Variants in SPAG1 observed in about 807,000 individuals in gnomAD.
SPAG1 encodes the protein sperm-associated antigen 1.
Under a neutral mutation model 100.5 loss-of-function variants are expected in SPAG1, and 69 were observed. That is an observed-to-expected ratio of 0.69 (90% confidence interval 0.57 to 0.84). The LOEUF (loss-of-function observed/expected upper bound fraction) is 0.84. SPAG1 is among the 40% of genes least tolerant of loss of function. The pLI is 0.00. For missense variants in SPAG1, 955 were observed against 1,133.1 expected (o/e 0.84, Z 2.26); for synonymous variants, 336 against 411.6 (o/e 0.82, Z 2.22).
rs771937198 is a variant in SPAG1, at chr8:100,233,375, C to T, written c.1989-36C>T. 1.9e-6 allele frequency: 3 copies of T among 1,609,090 alleles called. No homozygotes were observed. The Admixed American group carries it at 5.1e-5, about 27-fold the overall frequency. ...AAAACTTACAGATAGCCAATCTTTACCTTTCATAATACTGAGTTCCATTGC... is the reference window on the plus strand; with the variant it reads ...AAAACTTACAGATAGCCAATCTTTATCTTTCATAATACTGAGTTCCATTGC... On this transcript the variant is annotated intron_variant, in intron 15 of 18. Coordinates refer to ENST00000388798, the MANE Select transcript of SPAG1 (RefSeq NM_003114.5).
intron 3 of SPAG1, among the ~76,000 whole-genome samples, chr8:100,168,612 C>G (rs984963674): frequency 1.3e-5 from 2 of 149,804 alleles, no homozygotes; most frequent in Non-Finnish European, 3.0e-5. Context: ...GTTGTCCAGG[C>G]TAGTCTTGAA....
intron 3 of SPAG1, among the ~76,000 whole-genome samples, chr8:100,168,887 A>G (rs1328128614): frequency 3.3e-5 from 5 of 151,650 alleles, no homozygotes; most frequent in African/African-American, 1.2e-4. Flanking sequence ...AGGTTTCTCC[A>G]TGTTGGTCAG....
intron 3 of SPAG1, 41 bp downstream of exon 3, chr8:100,166,014 A>C (rs923692880): frequency 1.3e-6 from 2 of 1,516,004 alleles, no homozygotes; most frequent in Admixed American, 1.8e-5. Context: ...TTGTTGAGAC[A>C]TTCTATATAT....
chr8:100,235,758 C>T (rs148202887), intron 16 of SPAG1, among the ~76,000 whole-genome samples: 2 of 152,128 alleles, frequency 1.3e-5, no homozygotes, highest in African/African-American at 4.8e-5. Flanking sequence ...CCCGCCAGGA[C>T]CCCCGTGCTG....
chr8:100,170,868 G>T (rs1815797548), intron 3 of SPAG1, among the ~76,000 whole-genome samples: 3 of 147,226 alleles, frequency 2.0e-5, no homozygotes, highest in Admixed American at 6.8e-5. Flanking sequence ...TTGCTTTATT[G>T]AACTGGCTAG....
intron 10 of SPAG1, 47 bp from the exon 11 acceptor site, chr8:100,213,043 G>GCGGC: frequency 7.2e-7 from 1 of 1,379,834 alleles, no homozygotes; most frequent in African/African-American, 1.5e-5. Context: ...CGCGGCAACT[G>GCGGC]CTCCCGGTGA....
Position 100,163,106 on chromosome 8 carries a change from G to A in SPAG1, c.140+686G>A, listed in dbSNP as rs1815390437. 3.3e-5 allele frequency among the ~76,000 whole-genome samples: 5 copies of A among 152,194 alleles called. No individual in the cohort carries two copies. In the South Asian group the frequency reaches 1.0e-3, roughly 31 times the overall value. ...GCACACTGATCACATGGAGGGTGGT[G>A]GGGAGGCCTGACGGTAATACCAGAA... On this transcript the variant is annotated intron_variant, in intron 2 of 18. Transcript: ENST00000388798.
chr8:100,213,239 A>AC lies in SPAG1; in HGVS notation c.1246_1247insC (p.Lys416ThrfsTer66). On this transcript the variant is annotated frameshift_variant, in exon 11 of 19. Coordinates refer to ENST00000388798, the MANE Select transcript of SPAG1 (RefSeq NM_003114.5). LOFTEE classifies it high-confidence loss of function. ...CCAGACCCCGGAGGCCGGCGCGGACAAGCGGAGCCCACGGCGGGCCTCTGC... is the reference window on the plus strand; with the variant it reads ...CCAGACCCCGGAGGCCGGCGCGGACACAGCGGAGCCCACGGCGGGCCTCTGC... 1 of 1,333,030 alleles carries AC rather than the reference A, an allele frequency of 7.5e-7. No individual in the cohort carries two copies. The highest frequency in any genetic ancestry group is 1.8e-5 in the South Asian group (1 of 56,404). 82.6% of individuals were successfully genotyped at this position (1,333,030 alleles called of 1,614,324 possible). A position where few individuals can be genotyped will look rare whatever the true frequency, so the allele number is the denominator to read the frequency against.
At chr8:100,173,666 G>C (rs1815980717) in intron 3 of SPAG1, among the ~76,000 whole-genome samples, 1 of 152,080 alleles carries the variant, frequency 6.6e-6, no homozygotes, top group Admixed American at 6.5e-5. Flanking sequence ...CTATATGTCA[G>C]ACACTGAATC....
At position 100,187,250 on chromosome 8, in the gene SPAG1, G is replaced by A; in HGVS notation, c.832G>A (p.Ala278Thr). ...VLELEPGNVK[A>T]LLRRATTYKH... Reference sequence around the variant, plus strand: ...GGAGTTAGAACCTGGAAACGTAAAGGGTAAAAAATATTATAGAATTCTTTT... The same window carrying A: ...GGAGTTAGAACCTGGAAACGTAAAGAGTAAAAAATATTATAGAATTCTTTT... Residue 278 changes from alanine (A) to threonine (T), a missense_variant and splice_region_variant, in exon 8 of 19, where the codon GCT (alanine) becomes ACT (threonine). Transcript: ENST00000388798. The A allele has an allele frequency of 1.9e-6, 3 of 1,597,984 alleles. No individual in the cohort carries two copies. Among genetic ancestry groups the A allele is most frequent in the Admixed American group, 1.7e-5 (1 of 57,974 alleles).
chr8:100,206,017 CAAAAAAAAAAAAAAAAAAAA>C lies in SPAG1; in HGVS notation c.1097-7054_1097-7035del, dbSNP rs574907013. ...CTGGCGACAGAGTGAGACTCTGTCT[CAAAAAAAAAAAAAAAAAAAA>C]AAAAAAAAAAAAAAAAAAGAAAGAT... On this transcript the variant is annotated intron_variant, in intron 10 of 18. Coordinates refer to ENST00000388798, the MANE Select transcript of SPAG1 (RefSeq NM_003114.5). Among the ~76,000 whole-genome samples, 98 of 77,344 alleles carry C rather than the reference CAAAAAAAAAAAAAAAAAAAA, an allele frequency of 1.3e-3. 3 individuals are homozygous for C. Among genetic ancestry groups the C allele is most frequent in the Middle Eastern group, 7.5e-3 (1 of 134 alleles). The allele number at this position is 77,344 out of a possible 152,430, so 50.7% of individuals were successfully genotyped here.
chr8:100,189,176 T>TA lies in SPAG1; in HGVS notation c.832+1942dup, dbSNP rs113314634. Among the ~76,000 whole-genome samples, 1,185 of 124,982 alleles carry TA rather than the reference T, an allele frequency of 9.5e-3. 7 individuals carry two copies. The highest frequency in any genetic ancestry group is 0.015 in the African/African-American group (503 of 33,546). 82.0% of individuals were successfully genotyped at this position (124,982 alleles called of 152,430 possible). On this transcript the variant is annotated intron_variant, in intron 8 of 18. Transcript: ENST00000388798. ...GCAAAACTCCATCTCTACTAAAAAT[T>TA]AAAAAAAAAAAAAAAATGGAGGGGT...
intron 15 of SPAG1, among the ~76,000 whole-genome samples, chr8:100,232,475 T>G (rs1208628248): frequency 6.6e-6 from 1 of 152,154 alleles, no homozygotes; most frequent in Non-Finnish European, 1.5e-5. Flanking sequence ...TCCCCATCTC[T>G]TCTGCACTCA....
chr8:100,236,626 TTTG>T (rs1205082470), intron 16 of SPAG1, among the ~76,000 whole-genome samples: 3 of 152,222 alleles, frequency 2.0e-5, no homozygotes, highest in African/African-American at 7.2e-5. Flanking sequence ...GTTTTCTGAC[TTTG>T]TTATTTTTAA....
intron 15 of SPAG1, 110 bp downstream of exon 15, chr8:100,231,398 T>C: frequency 1.4e-6 from 1 of 732,872 alleles, no homozygotes; most frequent in Non-Finnish European, 2.1e-6. Context: ...TTTTTTGTGA[T>C]GGTTCTAAGA....
At chr8:100,170,634 C>T (rs1383261058) in intron 3 of SPAG1, among the ~76,000 whole-genome samples, 1 of 151,986 alleles carries the variant, frequency 6.6e-6, no homozygotes, top group East Asian at 1.9e-4. Flanking sequence ...TTTAATTATA[C>T]AAGTTTGTAT....
intron 13 of SPAG1, among the ~76,000 whole-genome samples, chr8:100,221,282 G>A (rs1418061178): frequency 6.6e-6 from 1 of 152,028 alleles, no homozygotes. Context: ...TCTGTTATAT[G>A]CCCTTGTAAA....
intron 3 of SPAG1, among the ~76,000 whole-genome samples, chr8:100,176,886 TCTCCTC>T (rs1391009872): frequency 2.2e-5 from 2 of 91,326 alleles, no homozygotes; most frequent in African/African-American, 8.6e-5. Flanking sequence ...TCCCTCTCCC[TCTCCTC>T]CTCCCCCTCC....
intron 7 of SPAG1, 34 bp from the exon 8 acceptor site, chr8:100,187,086 G>C (rs1816617125): frequency 6.3e-7 from 1 of 1,588,688 alleles, no homozygotes; most frequent in Non-Finnish European, 8.6e-7. Flanking sequence ...TTTACCTTAG[G>C]CTTGCTTGTT....
Sources: gnomAD v4.1 joint callset for allele counts (sites outside exome capture counted in the v4.1 genomes callset) on GRCh38, gnomAD v4.1.1 for gene constraint, MANE v1.5 for transcripts, NCBI Gene and HGNC (gene_info 2026-07-23, HGNC 2026-07-21) for gene names.